The following MICU1 variants were observed in gnomAD, a reference collection of about 807,000 sequenced individuals.
MICU1 encodes the protein mitochondrial calcium uptake 1.
Under a neutral mutation model 56.8 loss-of-function variants are expected in MICU1, and 45 were observed. That is an observed-to-expected ratio of 0.79 (90% confidence interval 0.62 to 1.02). The LOEUF is 1.02. Among genes scored for constraint, MICU1 ranks in the 50% least tolerant of loss-of-function variants. The pLI, the probability that MICU1 is intolerant of heterozygous loss-of-function variation, is 0.00. For synonymous variants in MICU1, 186 were observed against 195.1 expected (o/e 0.95, Z 0.39); for missense variants, 504 against 587.1 (o/e 0.86, Z 1.46).
At chr10:72,379,488 C>G in intron 10 of MICU1, 4 of 345,684 alleles carry the variant, frequency 1.2e-5, no homozygotes, top group South Asian at 8.5e-5. Context: ...TTCCTTTTCT[C>G]TTTCCCAGTT....
intron 8 of MICU1, among the ~76,000 whole-genome samples, chr10:72,459,069 G>A (rs909752767): frequency 3.3e-5 from 5 of 151,996 alleles, no homozygotes; most frequent in Admixed American, 2.6e-4. Flanking sequence ...GGTGGCTCAC[G>A]CTTGTAATCC....
chr10:72,450,726 CTTTTT>C (rs34091247), intron 8 of MICU1, among the ~76,000 whole-genome samples: 2 of 128,782 alleles, frequency 1.6e-5, no homozygotes, highest in Non-Finnish European at 1.7e-5. Flanking sequence ...TTTTTTAATT[CTTTTT>C]TTTTTTTTTT....
At chr10:72,408,809 T>A (rs947069511) in intron 9 of MICU1, among the ~76,000 whole-genome samples, 1 of 152,242 alleles carries the variant, frequency 6.6e-6, no homozygotes, top group African/African-American at 2.4e-5. Flanking sequence ...AAGTCAGTGA[T>A]ATACAGGGGA....
intron 3 of MICU1, among the ~76,000 whole-genome samples, chr10:72,556,986 A>T (rs927065155): frequency 3.3e-5 from 5 of 151,988 alleles, no homozygotes; most frequent in Non-Finnish European, 7.4e-5. Context: ...GAATCACTTG[A>T]ACCCAGGAGG....
intron 1 of MICU1, among the ~76,000 whole-genome samples, chr10:72,618,183 A>C (rs1367825070): frequency 2.0e-5 from 3 of 151,926 alleles, no homozygotes; most frequent in East Asian, 1.9e-4. Context: ...AAAAAAAAAA[A>C]CTACCAGTTT....
chr10:72,438,538 T>C (rs565517027), intron 8 of MICU1, among the ~76,000 whole-genome samples: 3 of 151,686 alleles, frequency 2.0e-5, no homozygotes, highest in Non-Finnish European at 4.4e-5. Context: ...AGGCAAGAAA[T>C]AACTAAGATC....
intron 3 of MICU1, among the ~76,000 whole-genome samples, chr10:72,562,116 A>G (rs1470139016): frequency 4.0e-5 from 6 of 150,254 alleles, no homozygotes; most frequent in Non-Finnish European, 5.9e-5. Context: ...GCAAAGCTAC[A>G]TAACAGCAGG....
chr10:72,410,114 T>C (rs1029207), intron 9 of MICU1, among the ~76,000 whole-genome samples: 79,236 of 152,094 alleles, frequency 0.52, 22,178 homozygotes, highest in Non-Finnish European at 0.65. Flanking sequence ...GAAATGGAAT[T>C]ATGCAGTAGG....
intron 1 of MICU1, among the ~76,000 whole-genome samples, chr10:72,572,802 T>C (rs890341691): frequency 9.9e-5 from 15 of 152,036 alleles, no homozygotes; most frequent in African/African-American, 3.4e-4. Flanking sequence ...ATCAAAAAGT[T>C]TGAAAACACA....
At chr10:72,620,018 A>G (rs1842066489) in intron 1 of MICU1, among the ~76,000 whole-genome samples, 1 of 152,230 alleles carries the variant, frequency 6.6e-6, no homozygotes, top group Non-Finnish European at 1.5e-5. Flanking sequence ...GATGGTAGGC[A>G]AAGTATTCAT....
intron 8 of MICU1, among the ~76,000 whole-genome samples, chr10:72,434,529 G>C (rs191353219): frequency 3.3e-5 from 5 of 152,120 alleles, no homozygotes; most frequent in Admixed American, 1.3e-4. Flanking sequence ...AAAAACCCTA[G>C]TCTTGTGTTA....
chr10:72,453,336 T>C (rs1174966424), intron 8 of MICU1, among the ~76,000 whole-genome samples: 1 of 152,134 alleles, frequency 6.6e-6, no homozygotes, highest in Non-Finnish European at 1.5e-5. Context: ...AGCACAAGAA[T>C]ATACCACGAT....
intron 1 of MICU1, among the ~76,000 whole-genome samples, chr10:72,623,326 AG>A (rs1842152917): frequency 1.4e-5 from 2 of 147,654 alleles, no homozygotes; most frequent in Admixed American, 6.8e-5. Context: ...AAAAAAGACA[AG>A]AAAAGAAAAG....
intron 10 of MICU1, among the ~76,000 whole-genome samples, chr10:72,385,041 C>T (rs1434895861): frequency 2.6e-5 from 4 of 152,198 alleles, no homozygotes; most frequent in Non-Finnish European, 2.9e-5. Flanking sequence ...CCCCACTTTC[C>T]GGCATCACAT....
At chr10:72,498,464 T>C (rs184145798) in intron 6 of MICU1, among the ~76,000 whole-genome samples, 1 of 152,244 alleles carries the variant, frequency 6.6e-6, no homozygotes, top group Non-Finnish European at 1.5e-5. Flanking sequence ...TGCGTGCCTG[T>C]AGTCCCAGCT....
At chr10:72,563,100 AC>A (rs1261769764) in intron 2 of MICU1, 37 bp from the exon 3 acceptor site, 1 of 1,443,880 alleles carries the variant, frequency 6.9e-7, no homozygotes, top group Non-Finnish European at 9.2e-7. Flanking sequence ...TTAATCTTGA[AC>A]GTCCATCATA....
At chr10:72,497,601 A>G (rs1423475773) in intron 6 of MICU1, among the ~76,000 whole-genome samples, 1 of 152,216 alleles carries the variant, frequency 6.6e-6, no homozygotes, top group Non-Finnish European at 1.5e-5. Context: ...ATTTCTTCAG[A>G]GCCATCCCAA....
intron 8 of MICU1, among the ~76,000 whole-genome samples, chr10:72,431,909 C>G (rs1864545841): frequency 6.6e-6 from 1 of 152,052 alleles, no homozygotes; most frequent in South Asian, 2.1e-4. Context: ...AAAGTGACAA[C>G]TCATTTTAAT....
At chr10:72,601,753 A>G (rs1043981991) in intron 1 of MICU1, among the ~76,000 whole-genome samples, 1 of 151,898 alleles carries the variant, frequency 6.6e-6, no homozygotes, top group Non-Finnish European at 1.5e-5. Flanking sequence ...GTGGAGGAAT[A>G]TAATTGTATA....
Sources: gnomAD v4.1 joint callset for allele counts (sites outside exome capture counted in the v4.1 genomes callset) on GRCh38, gnomAD v4.1.1 for gene constraint, MANE v1.5 for transcripts, NCBI Gene and HGNC (gene_info 2026-07-23, HGNC 2026-07-21) for gene names.